The following SYNJ1 variants were observed in gnomAD, a reference collection of about 807,000 sequenced individuals.
SYNJ1 encodes the protein polyphosphatidylinositol phosphatase SYNJ1.
In SYNJ1, 78 loss-of-function variants were observed where a neutral mutation model predicts 168.2. The ratio of observed to expected loss-of-function variants is 0.46; its 90% CI spans 0.39 to 0.56. The LOEUF is 0.56. Ranked by LOEUF, SYNJ1 falls within the 20% of genes least tolerant of loss-of-function variation. The pLI, the probability that SYNJ1 is intolerant of heterozygous loss-of-function variation, is 0.00. For missense variants in SYNJ1, 1,303 were observed against 1,597.6 expected, an observed-to-expected ratio of 0.82 and a Z score of 3.14; for synonymous variants, 539 against 548.6, an observed-to-expected ratio of 0.98 and a Z score of 0.24.
Position 32,650,363 on chromosome 21 carries a change from GAT to G in SYNJ1, c.2875-19_2875-18del. ...ATTCAATAACTAGCGGAGTAAAAGA[GAT>G]ATAAAATAAAGATTAACATGAAAGC... On this transcript the variant is annotated intron_variant, in intron 22 of 32. Coordinates refer to ENST00000674351, the MANE Select transcript of SYNJ1 (RefSeq NM_203446.3). The G allele has an allele frequency of 6.3e-7, 1 of 1,579,372 alleles. No individual in the cohort carries two copies. Among genetic ancestry groups the G allele is most frequent in the African/African-American group, 1.4e-5 (1 of 72,964 alleles).
chr21:32,698,166 T>C (rs1302078786), intron 4 of SYNJ1, among the ~76,000 whole-genome samples: 1 of 151,984 alleles, frequency 6.6e-6, no homozygotes, highest in Non-Finnish European at 1.5e-5. Context: ...CTCTCCCTCA[T>C]GGTCTCCTCC....
intron 11 of SYNJ1, among the ~76,000 whole-genome samples, chr21:32,681,231 T>C (rs1458536506): frequency 1.3e-5 from 2 of 152,186 alleles, no homozygotes; most frequent in Non-Finnish European, 2.9e-5. Flanking sequence ...GAGCAATATA[T>C]ATCATCTTAG....
At chr21:32,670,247 C>T (rs770812586) in intron 15 of SYNJ1, 41 bp downstream of exon 15, 2 of 1,569,772 alleles carry the variant, frequency 1.3e-6, no homozygotes, top group Admixed American at 3.4e-5. Context: ...TAGTTTCCCT[C>T]AACTGGCAAA....
rs746811167 is a variant in SYNJ1 at position 32,699,933 on chromosome 21, A to G, written c.384T>C (p.Phe128=). 3.1e-6 allele frequency: 5 copies of G among 1,614,208 alleles called. No individual in the cohort carries two copies. The highest frequency in any genetic ancestry group is 4.2e-6 in the Non-Finnish European group (5 of 1,180,030). ...EVRKVLNSGN[F]YFAWSASGIS... is the part of the protein sequence containing the mutation. ...TGCCAGATGCAGACCATGCAAAATAAAAGTTTCCTGAATTCAAAACTTTCC... is the reference window on the plus strand; with the variant it reads ...TGCCAGATGCAGACCATGCAAAATAGAAGTTTCCTGAATTCAAAACTTTCC... Residue 128 remains phenylalanine (F), a synonymous_variant, in exon 4 of 33, where the codon TTT becomes TTC. Coordinates refer to ENST00000674351, the MANE Select transcript of SYNJ1 (RefSeq NM_203446.3).
upstream of SYNJ1, chr21:32,728,323 G>A (rs973748671): frequency 2.5e-5 from 10 of 394,722 alleles, no homozygotes; most frequent in South Asian, 1.5e-4. Flanking sequence ...AAGCTTGGGG[G>A]GCTGCGTATT....
intron 2 of SYNJ1, among the ~76,000 whole-genome samples, chr21:32,725,831 C>A (rs1043721831): frequency 4.6e-5 from 7 of 152,034 alleles, no homozygotes; most frequent in Non-Finnish European, 7.4e-5. Context: ...TATATATAAT[C>A]ATATACTTTT....
chr21:32,651,360 G>T (rs1196084204), intron 22 of SYNJ1, among the ~76,000 whole-genome samples: 1 of 152,204 alleles, frequency 6.6e-6, no homozygotes, highest in African/African-American at 2.4e-5. Context: ...ACTGATATTA[G>T]AATTCCTTGA....
At chr21:32,639,155 G>T (rs1410070331) in intron 30 of SYNJ1, 30 bp from the exon 31 acceptor site, 2 of 1,574,836 alleles carry the variant, frequency 1.3e-6, no homozygotes, top group Admixed American at 3.7e-5. Context: ...CAGATGTTAG[G>T]TATATTCTAG....
rs763953176 is a variant in SYNJ1 at position 32,645,978 on chromosome 21, A to AT, written c.3248-190_3248-189insA. 4.5e-5 allele frequency: 41 copies of AT among 916,464 alleles called. No homozygotes were observed. The African/African-American group carries it at 6.1e-4, about 14-fold the overall frequency. 56.8% of individuals were successfully genotyped at this position (916,464 alleles called of 1,614,324 possible). A position where few individuals can be genotyped will look rare whatever the true frequency, so the allele number is the denominator to read the frequency against. On this transcript the variant is annotated intron_variant, in intron 24 of 32. Coordinates refer to ENST00000674351, the MANE Select transcript of SYNJ1 (RefSeq NM_203446.3). ...TGCCCTTTGGTACCATGGCAGCAATAATGCTACCTCTGTGCTGACTTCTTA... is the reference window on the plus strand; with the variant it reads ...TGCCCTTTGGTACCATGGCAGCAATATATGCTACCTCTGTGCTGACTTCTTA...
At position 32,689,903 on chromosome 21, in the gene SYNJ1, G is replaced by A. The variant is rs140997763; in HGVS notation, c.790-1536C>T. 2.6e-5 allele frequency among the ~76,000 whole-genome samples: 4 copies of A among 152,256 alleles called. No individual in the cohort carries two copies. In the East Asian group the frequency reaches 5.8e-4, roughly 22 times the overall value. On this transcript the variant is annotated intron_variant, in intron 6 of 32. Coordinates refer to ENST00000674351, the MANE Select transcript of SYNJ1 (RefSeq NM_203446.3). Reference sequence around the variant, plus strand: ...CATAAAAGTTTAAAATTTGAAAGACGTATGTCCCAGGACATTAAGCATTTT... The same window carrying A: ...CATAAAAGTTTAAAATTTGAAAGACATATGTCCCAGGACATTAAGCATTTT...
chr21:32,724,629 G>A (rs977864160), intron 2 of SYNJ1, among the ~76,000 whole-genome samples: 15 of 152,352 alleles, frequency 9.8e-5, no homozygotes, highest in Non-Finnish European at 1.8e-4. Context: ...TCCAAGCACA[G>A]CTTCTGAATA....
intron 2 of SYNJ1, among the ~76,000 whole-genome samples, chr21:32,702,303 A>C (rs1414227141): frequency 1.3e-5 from 2 of 152,224 alleles, no homozygotes; most frequent in African/African-American, 4.8e-5. Context: ...TCTTGACAGA[A>C]TAGTGCTCGA....
chr21:32,669,800 T>C (rs1486550807), intron 15 of SYNJ1, among the ~76,000 whole-genome samples: 1 of 152,224 alleles, frequency 6.6e-6, no homozygotes, highest in Non-Finnish European at 1.5e-5. Context: ...TACATAGTTA[T>C]GTGATTTTTC....
chr21:32,633,744 G>T (rs552154199), intron 32 of SYNJ1, among the ~76,000 whole-genome samples: 88 of 152,322 alleles, frequency 5.8e-4, no homozygotes, highest in African/African-American at 2.0e-3. Context: ...AAAGGAAATG[G>T]ATGACTTAAG....
Position 32,666,027 on chromosome 21 carries a change from A to G in SYNJ1, c.2061T>C (p.Cys687=). 1.2e-6 allele frequency: 2 copies of G among 1,614,160 alleles called. No homozygotes were observed. The highest frequency in any genetic ancestry group is 8.5e-7 in the Non-Finnish European group (1 of 1,179,996). Residue 687 remains cysteine (C), a synonymous_variant, in exon 17 of 33, where the codon TGT becomes TGC. Transcript: ENST00000674351. ...LFHTTSLCFV[C]SHFAAGQSQV... is the part of the protein sequence containing the mutation. ...GTGACTGCCCTGCAGCAAAGTGGCTACAGACGAAGCAAAGGCTGGTTGTAT... is the reference window on the plus strand; with the variant it reads ...GTGACTGCCCTGCAGCAAAGTGGCTGCAGACGAAGCAAAGGCTGGTTGTAT...
intron 12 of SYNJ1, 119 bp downstream of exon 12, chr21:32,678,526 T>G (rs2041499946): frequency 8.8e-7 from 1 of 1,132,628 alleles, no homozygotes; most frequent in South Asian, 2.0e-5. Flanking sequence ...AAAATTACCT[T>G]TACAGAAATC....
rs112748950 is a variant in SYNJ1 at position 32,639,397 on chromosome 21, A to G, written c.3698-272T>C. ...CTTTCTTTTCTCTCAATTTTTAAAA[A>G]TTTTTGATTTTTGAGACAGGGTCTT... On this transcript the variant is annotated intron_variant, in intron 30 of 32. Coordinates refer to ENST00000674351, the MANE Select transcript of SYNJ1 (RefSeq NM_203446.3). 7.2e-5 allele frequency among the ~76,000 whole-genome samples: 11 copies of G among 152,138 alleles called. 1 individual carries two copies. The highest frequency in any genetic ancestry group is 2.7e-4 in the African/African-American group (11 of 41,506).
intron 3 of SYNJ1, among the ~76,000 whole-genome samples, chr21:32,701,612 C>T (rs965602553): frequency 4.0e-5 from 6 of 150,218 alleles, no homozygotes; most frequent in African/African-American, 1.5e-4. Context: ...CAATACAAAC[C>T]AAGAAAAATC....
chr21:32,694,338 C>A (rs780433430), intron 5 of SYNJ1, 27 bp from the exon 6 acceptor site: 1 of 1,507,972 alleles, frequency 6.6e-7, no homozygotes, highest in South Asian at 1.3e-5. Context: ...AATATGTAAA[C>A]TATTTCCACA....
Sources: allele counts gnomAD v4.1 joint callset (sites outside exome capture counted in the v4.1 genomes callset), GRCh38; gene constraint gnomAD v4.1.1; transcripts MANE v1.5; gene names NCBI Gene and HGNC (gene_info 2026-07-23, HGNC 2026-07-21).